The following ATP8B1 variants were observed in gnomAD, a reference collection of about 807,000 sequenced individuals.
The protein encoded by ATP8B1 is phospholipid-transporting ATPase IC.
A neutral mutation model predicts 149.9 loss-of-function variants in ATP8B1; 80 were observed. The ratio of observed to expected loss-of-function variants is 0.53; its 90% CI spans 0.45 to 0.64. The LOEUF (loss-of-function observed/expected upper bound fraction) is 0.64, where lower values mean the gene tolerates loss of function less well. ATP8B1 is among the 30% of genes least tolerant of loss of function. The probability of loss-of-function intolerance (pLI) is 0.00; values close to 1 mark genes in which losing one functional copy is unlikely to be tolerated. For missense variants in ATP8B1, 1,247 were observed against 1,552.6 expected, an observed-to-expected ratio of 0.80 and a Z score of 3.31; for synonymous variants, 536 against 562.8, an observed-to-expected ratio of 0.95 and a Z score of 0.67.
chr18:57,708,909 A>G (rs1913554002), intron 2 of ATP8B1, among the ~76,000 whole-genome samples: 1 of 152,174 alleles, frequency 6.6e-6, no homozygotes, highest in Non-Finnish European at 1.5e-5. Flanking sequence ...TGATTCAGAC[A>G]GAGAGGGTGG....
chr18:57,759,914 G>A (rs904172374), intron 1 of ATP8B1, among the ~76,000 whole-genome samples: 2 of 151,950 alleles, frequency 1.3e-5, no homozygotes, highest in Non-Finnish European at 2.9e-5. Context: ...CAAACCAACT[G>A]CAGCTTAATT....
chr18:57,667,929 T>C (rs767417667), intron 19 of ATP8B1: 62 of 427,864 alleles, frequency 1.4e-4, no homozygotes, highest in Non-Finnish European at 2.1e-4. Context: ...GTGGAAGGCT[T>C]ACAAAGTAAA....
Position 57,716,205 on chromosome 18 carries a change from A to G in ATP8B1, c.182-9618T>C, listed in dbSNP as rs1204197148. 2.6e-5 allele frequency among the ~76,000 whole-genome samples: 4 copies of G among 152,184 alleles called. No homozygotes were observed. In the East Asian group the frequency reaches 7.7e-4, roughly 29 times the overall value. On this transcript the variant is annotated intron_variant, in intron 2 of 27. Coordinates refer to ENST00000648908, the MANE Select transcript of ATP8B1 (RefSeq NM_001374385.1). ...ATCAAAAAACATACAATGGATATAT[A>G]CAAAATAAAAAGCAGGAAATTAAAG...
intron 1 of ATP8B1, among the ~76,000 whole-genome samples, chr18:57,769,873 T>A (rs2080249886): frequency 6.6e-6 from 1 of 152,180 alleles, no homozygotes; most frequent in Non-Finnish European, 1.5e-5. Context: ...TACCAAACAT[T>A]TAACACACAC....
intron 20 of ATP8B1, among the ~76,000 whole-genome samples, chr18:57,664,501 G>GAAAAAA (rs532262308): frequency 1.0e-5 from 1 of 99,452 alleles, no homozygotes. Context: ...GTCTTTCTAA[G>GAAAAAA]AAAAAAAAAA....
chr18:57,653,436 A>G (rs1320168009), intron 24 of ATP8B1, among the ~76,000 whole-genome samples: 3 of 151,226 alleles, frequency 2.0e-5, no homozygotes, highest in Admixed American at 1.3e-4. Flanking sequence ...ACAGGTGTGC[A>G]CTACCATGCC....
intron 1 of ATP8B1, among the ~76,000 whole-genome samples, chr18:57,795,887 AG>A (rs1272702538): frequency 6.6e-6 from 1 of 151,198 alleles, no homozygotes; most frequent in Non-Finnish European, 1.5e-5. Flanking sequence ...AAAAAAAAAA[AG>A]TCAGGCGCAG....
In ATP8B1 at chr18:57,661,328, T is replaced by C. The variant is rs34105567; in HGVS notation, c.2553A>G (p.Lys851=). Residue 851 remains lysine (K), a synonymous_variant, in exon 22 of 28, where the codon AAA becomes AAG. Transcript: ENST00000648908. ...RLEAKKEQRQ[K]NFVDLACECS... is the part of the protein sequence containing the mutation. ...ACTCGCAGGCCAGGTCCACAAAGTT[T>C]TTCTGCCGCTGCTCTTTCTTAGCTT... The C allele has an allele frequency of 1.2e-6, 2 of 1,614,044 alleles. No individual in the cohort carries two copies. The highest frequency in any genetic ancestry group is 1.7e-5 in the Admixed American group (1 of 60,004).
chr18:57,683,912 T>C lies in ATP8B1; in HGVS notation c.1630+124A>G, dbSNP rs903448914. The stretch of plus-strand genomic sequence containing the variant: ...ATCTAGTGGTAAGTGCTGAGAAATA[T>C]TCACTGCATTCTAATATGAGACAGA... On this transcript the variant is annotated intron_variant, in intron 15 of 27. Coordinates refer to ENST00000648908, the MANE Select transcript of ATP8B1 (RefSeq NM_001374385.1). 6.4e-6 allele frequency: 8 copies of C among 1,253,794 alleles called. No individual in the cohort carries two copies. The East Asian group carries it at 7.2e-5, about 11-fold the overall frequency. 77.7% of individuals were successfully genotyped at this position (1,253,794 alleles called of 1,614,324 possible).
intron 16 of ATP8B1, among the ~76,000 whole-genome samples, chr18:57,672,931 T>TATATATGTATATAA (rs1301236712): frequency 3.0e-5 from 1 of 33,218 alleles, no homozygotes; most frequent in Non-Finnish European, 4.9e-5. Flanking sequence ...TATATATATA[T>TATATATGTATATAA]AACATGTATA....
At chr18:57,767,788 T>TAA (rs35968334) in intron 1 of ATP8B1, among the ~76,000 whole-genome samples, 2,521 of 143,828 alleles carry the variant, frequency 0.018, 74 homozygotes, top group African/African-American at 0.058. Context: ...AAACTCCATC[T>TAA]AAAAAAAAAA....
At chr18:57,723,084 T>C (rs968374011) in intron 2 of ATP8B1, among the ~76,000 whole-genome samples, 2 of 151,596 alleles carry the variant, frequency 1.3e-5, no homozygotes, top group East Asian at 1.9e-4. Flanking sequence ...AATTAGGTAT[T>C]GATGGGACGT....
In ATP8B1 at chr18:57,650,481, A is replaced by G; in HGVS notation, c.3417T>C (p.Ala1139=). ...TTAACCAAATGTATGGCTGTCTCAG[A>G]GCGTTTGAAGCTGTGCCTGTAAAGA... The part of the protein sequence containing the change: ...AFQFTGTASN[A]LRQPYIWLTI... The change falls in exon 27 of 28, where the codon GCT becomes GCC. Residue 1139 remains alanine (A), a synonymous_variant. Coordinates refer to ENST00000648908, the MANE Select transcript of ATP8B1 (RefSeq NM_001374385.1). 1 of 1,613,704 alleles carries G rather than the reference A, an allele frequency of 6.2e-7. No homozygotes were observed. The highest frequency in any genetic ancestry group is 2.2e-5 in the East Asian group (1 of 44,868).
chr18:57,654,780 A>C (rs12964254), intron 23 of ATP8B1, among the ~76,000 whole-genome samples: 1 of 148,042 alleles, frequency 6.8e-6, no homozygotes, highest in African/African-American at 2.5e-5. Flanking sequence ...TCTGCCTCCC[A>C]GGTTCAAGCG....
chr18:57,767,515 C>T lies in ATP8B1; in HGVS notation c.-26+35483G>A, dbSNP rs561317380. 1.8e-4 allele frequency among the ~76,000 whole-genome samples: 27 copies of T among 152,228 alleles called. No individual in the cohort carries two copies. The East Asian group carries it at 3.9e-3, about 22-fold the overall frequency. ...AACAGGAACGCTTTTGGGCCAGGCT[C>T]GGTGGCTCATGCCTGTAATGCCAGC... On this transcript the variant is annotated intron_variant, in intron 1 of 27. Transcript: ENST00000648908.
chr18:57,774,304 T>TA (rs908242308), intron 1 of ATP8B1, among the ~76,000 whole-genome samples: 1 of 152,246 alleles, frequency 6.6e-6, no homozygotes, highest in Non-Finnish European at 1.5e-5. Flanking sequence ...TATCAGACTT[T>TA]AAAATTTATT....
At chr18:57,765,703 G>T (rs115121271) in intron 1 of ATP8B1, among the ~76,000 whole-genome samples, 1 of 151,030 alleles carries the variant, frequency 6.6e-6, no homozygotes, top group Non-Finnish European at 1.5e-5. Flanking sequence ...AAGGTCAAGC[G>T]CATTGGCTCA....
chr18:57,690,987 C>T (rs1248942016), intron 12 of ATP8B1, among the ~76,000 whole-genome samples: 3 of 151,944 alleles, frequency 2.0e-5, no homozygotes, highest in Non-Finnish European at 4.4e-5. Flanking sequence ...CCAGCCTGGC[C>T]AACTTGGTGA....
At chr18:57,764,458 G>T (rs1327588724) in intron 1 of ATP8B1, among the ~76,000 whole-genome samples, 1 of 142,472 alleles carries the variant, frequency 7.0e-6, no homozygotes, top group Non-Finnish European at 1.5e-5. Flanking sequence ...TTGCTCTGTA[G>T]CCCAGGCTGG....
Sources: allele counts gnomAD v4.1 joint callset (sites outside exome capture counted in the v4.1 genomes callset), GRCh38; gene constraint gnomAD v4.1.1; transcripts MANE v1.5; gene names NCBI Gene and HGNC (gene_info 2026-07-23, HGNC 2026-07-21).